The following PPP1R12B variants were observed in gnomAD, a reference collection of about 807,000 sequenced individuals.
PPP1R12B encodes the protein myosin phosphatase target subunit 2.
Under a neutral mutation model 126.1 loss-of-function variants are expected in PPP1R12B, and 76 were observed. That is an observed-to-expected ratio of 0.60 (90% CI 0.50 to 0.73). The LOEUF (loss-of-function observed/expected upper bound fraction) is 0.73. Among genes scored for constraint, PPP1R12B ranks in the 30% least tolerant of loss-of-function variants. The probability of loss-of-function intolerance (pLI) is 0.00; values close to 1 mark genes in which losing one functional copy is unlikely to be tolerated. For synonymous variants in PPP1R12B, 356 were observed against 434.7 expected, an observed-to-expected ratio of 0.82 and a Z score of 2.25; for missense variants, 1,052 against 1,205.1, an observed-to-expected ratio of 0.87 and a Z score of 1.88.
intron 19 of PPP1R12B, among the ~76,000 whole-genome samples, chr1:202,560,405 C>T (rs1365931607): frequency 6.6e-6 from 1 of 152,076 alleles, no homozygotes; most frequent in Non-Finnish European, 1.5e-5. Context: ...GCTGGTTGCC[C>T]GTTTTTATGG....
intron 1 of PPP1R12B, chr1:202,369,648 T>C: frequency 5.1e-6 from 1 of 197,382 alleles, no homozygotes; most frequent in Non-Finnish European, 1.1e-5. Flanking sequence ...AAATACTCCA[T>C]CAGTGTCTCC....
At chr1:202,534,856 T>G (rs1684368794) in intron 18 of PPP1R12B, among the ~76,000 whole-genome samples, 2 of 152,208 alleles carry the variant, frequency 1.3e-5, no homozygotes, top group Admixed American at 6.5e-5. Context: ...CAGTAACCTT[T>G]TACATAATCA....
intron 1 of PPP1R12B, among the ~76,000 whole-genome samples, chr1:202,360,383 G>A (rs370056745): frequency 8.3e-4 from 126 of 152,122 alleles, no homozygotes; most frequent in African/African-American, 2.9e-3. Context: ...CTTGTATTGC[G>A]CTTCTAATTG....
At chr1:202,440,406 A>G (rs1483285366) in intron 10 of PPP1R12B, among the ~76,000 whole-genome samples, 1 of 152,220 alleles carries the variant, frequency 6.6e-6, no homozygotes, top group Non-Finnish European at 1.5e-5. Flanking sequence ...GTGTCTTCAA[A>G]GGCTTTCCTC....
rs199909756 is a variant in PPP1R12B, at chr1:202,349,010, G to C, written c.159G>C (p.Arg53Ser). The change falls in exon 1 of 24, where the codon AGG becomes AGC. Residue 53 changes from arginine (R) to serine (S), a missense_variant. Coordinates refer to ENST00000608999, the MANE Select transcript of PPP1R12B (RefSeq NM_002481.4). ...CGCTGACCAGGCGCGGGAGCCCCAG[G>C]GTCCGCTTCGAGGACGGTGCTGTCT... ...RQPLTRRGSPRVRFEDGAVFL... is the reference protein window; with the variant it reads ...RQPLTRRGSPSVRFEDGAVFL... The C allele has an allele frequency of 7.5e-6, 12 of 1,609,772 alleles. No individual in the cohort carries two copies. The highest frequency in any genetic ancestry group is 1.3e-5 in the African/African-American group (1 of 75,046).
chr1:202,486,178 GGCT>G (rs1442669282), intron 13 of PPP1R12B, among the ~76,000 whole-genome samples: 1 of 151,936 alleles, frequency 6.6e-6, no homozygotes, highest in Non-Finnish European at 1.5e-5. Flanking sequence ...TACTGCTCCT[GGCT>G]GCTATTATTT....
At chr1:202,536,929 A>G (rs1324073607) in intron 18 of PPP1R12B, among the ~76,000 whole-genome samples, 2 of 152,244 alleles carry the variant, frequency 1.3e-5, no homozygotes, top group Non-Finnish European at 2.9e-5. Flanking sequence ...ACTTCCTATC[A>G]TAACAATGCC....
At chr1:202,385,943 T>G (rs1663050403) in intron 1 of PPP1R12B, among the ~76,000 whole-genome samples, 1 of 151,990 alleles carries the variant, frequency 6.6e-6, no homozygotes, top group Admixed American at 6.5e-5. Context: ...TTTTTTCTTT[T>G]TTTTTTTTGA....
intron 13 of PPP1R12B, among the ~76,000 whole-genome samples, chr1:202,484,287 C>A (rs1677787596): frequency 1.3e-5 from 2 of 151,976 alleles, no homozygotes; most frequent in Non-Finnish European, 2.9e-5. Context: ...GCAGTAATTT[C>A]TTTCTTTCTT....
intron 18 of PPP1R12B, among the ~76,000 whole-genome samples, chr1:202,500,919 G>A (rs554414107): frequency 6.6e-6 from 1 of 152,314 alleles, no homozygotes; most frequent in African/African-American, 2.4e-5. Context: ...GCTGGGGACA[G>A]CAAGGAACAT....
rs1690086907 is a variant in PPP1R12B, at chr1:202,590,929, CT to C, written c.*10370del. 6.6e-6 allele frequency: 1 copy of C among 152,216 alleles called. No homozygotes were observed. The highest frequency in any genetic ancestry group is 6.5e-5 in the Admixed American group (1 of 15,276). 9.4% of individuals were successfully genotyped at this position (152,216 alleles called of 1,614,324 possible). A position where few individuals can be genotyped will look rare whatever the true frequency, so the allele number is the denominator to read the frequency against. On this transcript the variant is annotated 3_prime_UTR_variant, in exon 24 of 24. Coordinates refer to ENST00000608999, the MANE Select transcript of PPP1R12B (RefSeq NM_002481.4). The stretch of plus-strand genomic sequence containing the variant: ...GGTCACTATCTTTGAAGAGGCCCCC[CT>C]AAAGTCCTGATCGCTAAGGCAGGTG...
chr1:202,383,173 A>G (rs1343878924), intron 1 of PPP1R12B, among the ~76,000 whole-genome samples: 2 of 152,216 alleles, frequency 1.3e-5, no homozygotes, highest in African/African-American at 4.8e-5. Context: ...AGGAAGCCCT[A>G]ATGCTTTTTA....
At chr1:202,488,868 A>G (rs1037506699) in intron 14 of PPP1R12B, among the ~76,000 whole-genome samples, 1 of 152,094 alleles carries the variant, frequency 6.6e-6, no homozygotes, top group Non-Finnish European at 1.5e-5. Context: ...ACGTGGTGAA[A>G]CCTGTCTCTA....
chr1:202,478,197 C>G (rs1676921242), intron 13 of PPP1R12B, among the ~76,000 whole-genome samples: 1 of 152,180 alleles, frequency 6.6e-6, no homozygotes. Flanking sequence ...TTATTTTGGC[C>G]TTTGCAGGCC....
intron 1 of PPP1R12B, among the ~76,000 whole-genome samples, chr1:202,367,662 A>G (rs894771585): frequency 2.0e-5 from 3 of 152,192 alleles, no homozygotes; most frequent in Non-Finnish European, 4.4e-5. Flanking sequence ...AAGCACTTCC[A>G]GGCCATGATA....
intron 18 of PPP1R12B, among the ~76,000 whole-genome samples, chr1:202,504,395 C>T (rs1369588978): frequency 4.0e-5 from 6 of 151,622 alleles, no homozygotes; most frequent in African/African-American, 1.5e-4. Context: ...CCTGTCCCCC[C>T]CAAAAAAAGA....
chr1:202,389,537 G>A (rs1352188007), intron 1 of PPP1R12B, among the ~76,000 whole-genome samples: 2 of 152,060 alleles, frequency 1.3e-5, no homozygotes, highest in Admixed American at 6.6e-5. Context: ...CCAGCTACTC[G>A]GGAGGCTGAG....
chr1:202,434,705 TAGTATCACAG>T lies in PPP1R12B; in HGVS notation c.1194_1203del (p.Ile399ArgfsTer41). Reference sequence around the variant, plus strand: ...ATCATTCCAACTCTGAAAGCAAGAGTAGTATCACAGAGCAGATACCAGCACCAGCTCAAAA... The same window carrying T: ...ATCATTCCAACTCTGAAAGCAAGAGTAGCAGATACCAGCACCAGCTCAAAA... On this transcript the variant is annotated frameshift_variant, in exon 9 of 24. Coordinates refer to ENST00000608999, the MANE Select transcript of PPP1R12B (RefSeq NM_002481.4). LOFTEE classifies it high-confidence loss of function. The T allele has an allele frequency of 1.2e-6, 2 of 1,613,494 alleles. No individual in the cohort carries two copies. The highest frequency in any genetic ancestry group is 1.7e-6 in the Non-Finnish European group (2 of 1,179,844).
chr1:202,556,844 AAT>A (rs1273245376), intron 18 of PPP1R12B, among the ~76,000 whole-genome samples: 1 of 152,210 alleles, frequency 6.6e-6, no homozygotes, highest in Non-Finnish European at 1.5e-5. Flanking sequence ...GTTCAGGCTC[AAT>A]TATTCACAAG....
Sources: gnomAD v4.1 joint callset for allele counts (sites outside exome capture counted in the v4.1 genomes callset) on GRCh38, gnomAD v4.1.1 for gene constraint, MANE v1.5 for transcripts, NCBI Gene and HGNC (gene_info 2026-07-23, HGNC 2026-07-21) for gene names.